The following GPRC5B variants were observed in gnomAD, a reference collection of about 807,000 sequenced individuals.
GPRC5B encodes G protein-coupled receptor class C group 5 member B.
GPRC5B carries 16 observed loss-of-function variants against 30.1 expected under a neutral mutation model. The ratio of observed to expected loss-of-function variants is 0.53; its 90% CI spans 0.36 to 0.81. The LOEUF is 0.81. Among genes scored for constraint, GPRC5B ranks in the 30% least tolerant of loss-of-function variants. The pLI is 0.01. For missense variants in GPRC5B, 428 were observed against 544.7 expected (o/e 0.79, Z 2.13); for synonymous variants, 241 against 239.5 (o/e 1.01, Z -0.06).
intron 2 of GPRC5B, among the ~76,000 whole-genome samples, chr16:19,866,179 G>A (rs536130877): frequency 2.0e-5 from 3 of 152,068 alleles, no homozygotes; most frequent in East Asian, 1.9e-4. Context: ...CGCCTGCCTC[G>A]GCCTCCCAAA....
chr16:19,878,858 G>A (rs879852239), intron 1 of GPRC5B, among the ~76,000 whole-genome samples: 1 of 152,122 alleles, frequency 6.6e-6, no homozygotes, highest in Non-Finnish European at 1.5e-5. Context: ...TTTGGTTCTC[G>A]GGCTGGCAAA....
intron 2 of GPRC5B, among the ~76,000 whole-genome samples, chr16:19,871,457 A>G (rs2056718861): frequency 6.6e-6 from 1 of 152,084 alleles, no homozygotes; most frequent in Non-Finnish European, 1.5e-5. Flanking sequence ...CCCCATCTCT[A>G]CTAAAAATAC....
At chr16:19,876,093 C>G (rs1182120554) in intron 1 of GPRC5B, among the ~76,000 whole-genome samples, 7 of 152,232 alleles carry the variant, frequency 4.6e-5, no homozygotes, top group African/African-American at 1.7e-4. Context: ...TCTCTAATCC[C>G]ATCCAGCCCC....
intron 3 of GPRC5B, among the ~76,000 whole-genome samples, chr16:19,861,616 A>C (rs2056622857): frequency 6.6e-6 from 1 of 152,230 alleles, no homozygotes; most frequent in Admixed American, 6.5e-5. Flanking sequence ...TTTCAAACGA[A>C]TCTACAGATG....
chr16:19,872,896 T>C lies in GPRC5B; in HGVS notation c.-1-50A>G. 4.5e-6 allele frequency: 6 copies of C among 1,345,168 alleles called. No individual in the cohort carries two copies. Among genetic ancestry groups the C allele is most frequent in the Non-Finnish European group, 6.3e-6 (6 of 953,566 alleles). The allele number at this position is 1,345,168 out of a possible 1,614,324, so 83.3% of individuals were successfully genotyped here. On this transcript the variant is annotated intron_variant, in intron 1 of 3. Coordinates refer to ENST00000300571, the MANE Select transcript of GPRC5B (RefSeq NM_016235.3). This position sits in a 1 kb window ranked among gnomAD's most constrained non-coding sequence, Gnocchi z 5.0. ...TTGGGGGGAAGGAAAGATGAATTCA[T>C]TGGAAGACTCCCCCTCTCCTGACTT...
At position 19,871,909 on chromosome 16, in the gene GPRC5B, G is replaced by A; in HGVS notation, c.937C>T (p.Pro313Ser). The A allele has an allele frequency of 1.2e-6, 2 of 1,614,006 alleles. No individual in the cohort carries two copies. Among genetic ancestry groups the A allele is most frequent in the Non-Finnish European group, 1.7e-6 (2 of 1,180,026 alleles). The change falls in exon 2 of 4, where the codon CCC becomes TCC. Residue 313 changes from proline to serine, a missense_variant. Physicochemically the swap from Pro to Ser is moderately conservative, Grantham distance 74. Around this residue, in one of 3 missense-constraint regions of GPRC5B, gnomAD observed 213 missense variants for 229.1 expected, o/e 0.93. Transcript: ENST00000300571. ...TCGAAGGCCGTCTCCCGCATCCTGG[G>A]CTGCGACGTGTCGAAGTAGTTGGGC... ...NTPNYFDTSQ[P>S]RMRETAFEED... is the part of the protein sequence containing the mutation.
upstream of GPRC5B, chr16:19,885,536 T>A (rs17842820): frequency 0.064 from 71,764 of 1,113,714 alleles, 3,384 homozygotes; most frequent in East Asian, 0.29. The surrounding 1 kb of genome is among the most constrained non-coding windows in gnomAD (Gnocchi z 5.3). Context: ...ACACGTCCAG[T>A]CGGTGCACCC....
intron 2 of GPRC5B, among the ~76,000 whole-genome samples, chr16:19,867,712 G>A (rs529227426): frequency 6.6e-6 from 1 of 152,308 alleles, no homozygotes; most frequent in South Asian, 2.1e-4. Context: ...GAGGTGATTA[G>A]GCCATCAGGG....
chr16:19,881,642 C>T (rs2056807470), intron 1 of GPRC5B, among the ~76,000 whole-genome samples: 1 of 152,096 alleles, frequency 6.6e-6, no homozygotes, highest in African/African-American at 2.4e-5. Flanking sequence ...ATAAGCCGGG[C>T]GTGGTGGTGC....
intron 1 of GPRC5B, among the ~76,000 whole-genome samples, chr16:19,878,555 A>G (rs1485325543): frequency 2.6e-5 from 4 of 151,970 alleles, no homozygotes; most frequent in African/African-American, 9.7e-5. Context: ...CAGCCTCCCA[A>G]AGTTCTGGGA....
At chr16:19,863,984 G>A (rs765596709) in intron 2 of GPRC5B, among the ~76,000 whole-genome samples, 6 of 151,916 alleles carry the variant, frequency 3.9e-5, no homozygotes, top group African/African-American at 7.3e-5. Flanking sequence ...GTGCCAAAAA[G>A]TTTGGGGACA....
At chr16:19,867,711 A>G (rs1334105391) in intron 2 of GPRC5B, among the ~76,000 whole-genome samples, 1 of 152,208 alleles carries the variant, frequency 6.6e-6, no homozygotes, top group Non-Finnish European at 1.5e-5. Flanking sequence ...GGAGGTGATT[A>G]GGCCATCAGG....
At chr16:19,866,574 G>T (rs1240855763) in intron 2 of GPRC5B, among the ~76,000 whole-genome samples, 1 of 151,780 alleles carries the variant, frequency 6.6e-6, no homozygotes, top group African/African-American at 2.4e-5. Context: ...AGACAGGGGT[G>T]TCGCCACGTT....
At chr16:19,884,549 C>A (rs2056836102) in intron 1 of GPRC5B, among the ~76,000 whole-genome samples, 178 bp downstream of exon 1, 1 of 149,308 alleles carries the variant, frequency 6.7e-6, no homozygotes, top group South Asian at 2.2e-4. Flanking sequence ...CTCGTCGCAC[C>A]GTGGTTCCCC....
At position 19,872,064 on chromosome 16, in the gene GPRC5B, A is replaced by C; in HGVS notation, c.782T>G (p.Leu261Arg). 6.2e-7 allele frequency: 1 copy of C among 1,614,120 alleles called. No individual in the cohort carries two copies. The highest frequency in any genetic ancestry group is 2.2e-5 in the East Asian group (1 of 44,870). ...MTMYLFGNVK[L>R]QQGDAWNDPT... ...GTCGTTCCAGGCATCCCCCTGCTGC[A>C]GCTTGACATTGCCGAAGAGGTACAT... Residue 261 changes from leucine to arginine, a missense_variant, in exon 2 of 4, where the codon CTG becomes CGG. Physicochemically the swap from Leu to Arg is moderately radical, Grantham distance 102. Around this residue, in one of 3 missense-constraint regions of GPRC5B, gnomAD observed 213 missense variants for 229.1 expected, o/e 0.93. Transcript: ENST00000300571. This position sits in a 1 kb window ranked among gnomAD's most constrained non-coding sequence, Gnocchi z 5.0.
At chr16:19,865,140 G>T (rs932434257) in intron 2 of GPRC5B, among the ~76,000 whole-genome samples, 13 of 151,740 alleles carry the variant, frequency 8.6e-5, no homozygotes, top group Non-Finnish European at 1.2e-4. Context: ...AAATTCCTGA[G>T]CTCAAGTAAT....
At chr16:19,870,131 G>A (rs991610611) in intron 2 of GPRC5B, among the ~76,000 whole-genome samples, 6 of 152,096 alleles carry the variant, frequency 3.9e-5, no homozygotes, top group African/African-American at 1.4e-4. Flanking sequence ...GTGGACAGAT[G>A]CCCCAGCCTC....
At position 19,871,807 on chromosome 16, in the gene GPRC5B, C is replaced by G. The variant is rs746627397; in HGVS notation, c.1030+9G>C. 1 of 1,607,928 alleles carries G rather than the reference C, an allele frequency of 6.2e-7. No homozygotes were observed. Among genetic ancestry groups the G allele is most frequent in the Non-Finnish European group, 8.5e-7 (1 of 1,175,168 alleles). ...CCGGCCTGACCCAGCCGGGTGGTGC[C>G]CACTTTACCTGCATTGTGTTCATCC... On this transcript the variant is annotated intron_variant, in intron 2 of 3. Coordinates refer to ENST00000300571, the MANE Select transcript of GPRC5B (RefSeq NM_016235.3).
intron 1 of GPRC5B, among the ~76,000 whole-genome samples, chr16:19,875,757 C>T (rs2056755370): frequency 6.6e-6 from 1 of 152,004 alleles, no homozygotes; most frequent in African/African-American, 2.4e-5. Context: ...CCAGCCTGGG[C>T]AACAGAGCAA....
Sources: gnomAD v4.1 joint callset for allele counts (sites outside exome capture counted in the v4.1 genomes callset) on GRCh38, gnomAD v4.1.1 for gene constraint, gnomAD v4.1.1 regional missense constraint, Gnocchi (gnomAD v3.1) non-coding constraint, MANE v1.5 for transcripts, NCBI Gene and HGNC (gene_info 2026-07-23, HGNC 2026-07-21) for gene names.